Variants in EFCAB8 observed in about 807,000 individuals in gnomAD.
EFCAB8 encodes the protein EF-hand calcium-binding domain-containing protein 8.
In EFCAB8, 100 loss-of-function variants were observed where a neutral mutation model predicts 116.3. That is an observed-to-expected ratio of 0.86 (90% CI 0.73 to 1.02). The LOEUF is 1.02. Ranked by LOEUF, EFCAB8 falls within the 50% of genes least tolerant of loss-of-function variation. The pLI, the probability that EFCAB8 is intolerant of heterozygous loss-of-function variation, is 0.00. For missense variants in EFCAB8, 1,320 were observed against 1,416.9 expected (o/e 0.93, Z 1.10); for synonymous variants, 558 against 567.9 (o/e 0.98, Z 0.25).
chr20:32,952,476 C>T (rs916966245), intron 23 of EFCAB8, among the ~76,000 whole-genome samples: 1 of 152,190 alleles, frequency 6.6e-6, no homozygotes, highest in African/African-American at 2.4e-5. Context: ...GAGATAGCCA[C>T]TTGTTCCAGC....
intron 21 of EFCAB8, 76 bp from the exon 22 acceptor site, chr20:32,931,102 T>A: frequency 7.8e-7 from 1 of 1,273,908 alleles, no homozygotes; most frequent in East Asian, 2.6e-5. Context: ...AGAGGAATGG[T>A]CTGGGAGGAG....
At chr20:32,876,107 C>T (rs1984957871) in intron 4 of EFCAB8, 63 bp downstream of exon 4, 2 of 1,391,034 alleles carry the variant, frequency 1.4e-6, no homozygotes. Flanking sequence ...AGTCCTTGAC[C>T]AGTTGGTGGG....
chr20:32,885,462 C>T, intron 5 of EFCAB8, 43 bp from the exon 6 acceptor site: 2 of 1,548,888 alleles, frequency 1.3e-6, no homozygotes, highest in Non-Finnish European at 1.7e-6. Flanking sequence ...CCTCCCTGAG[C>T]TGTTTTTGCT....
At chr20:32,939,941 C>T (rs1356849281) in intron 22 of EFCAB8, among the ~76,000 whole-genome samples, 9 of 146,188 alleles carry the variant, frequency 6.2e-5, no homozygotes, top group South Asian at 4.3e-4. Flanking sequence ...GTGATCCACT[C>T]GCCTCAGCCT....
intron 15 of EFCAB8, among the ~76,000 whole-genome samples, 182 bp from the exon 16 acceptor site, chr20:32,911,298 A>C (rs1272764483): frequency 6.6e-6 from 1 of 152,120 alleles, no homozygotes; most frequent in Non-Finnish European, 1.5e-5. Context: ...TCCAGTTTGC[A>C]CTGCCCTGTG....
At chr20:32,861,451 G>C (rs1470588052) in intron 1 of EFCAB8, among the ~76,000 whole-genome samples, 1 of 152,152 alleles carries the variant, frequency 6.6e-6, no homozygotes, top group Non-Finnish European at 1.5e-5. Flanking sequence ...ACCACACCCA[G>C]CTAACGTTTG....
chr20:32,859,726 A>G (rs1984004940), intron 1 of EFCAB8, among the ~76,000 whole-genome samples: 4 of 152,236 alleles, frequency 2.6e-5, no homozygotes, highest in Admixed American at 2.6e-4. Context: ...AATTACAGAC[A>G]TCATGCCCTT....
In EFCAB8 at chr20:32,906,950, GATAGCAGGAACA is replaced by G; in HGVS notation, c.1266_1277del (p.Arg424_Ser427del). ...GACCTCAGTGACGCACATCCTTGTGGATAGCAGGAACAACAGCATCCTCATCAGTGTCTCCAA... is the reference window on the plus strand; with the variant it reads ...GACCTCAGTGACGCACATCCTTGTGGACAGCATCCTCATCAGTGTCTCCAA... On this transcript the variant is annotated inframe_deletion, in exon 13 of 27. Transcript: ENST00000400522. 6.5e-7 allele frequency: 1 copy of G among 1,544,066 alleles called. No homozygotes were observed. The highest frequency in any genetic ancestry group is 2.4e-5 in the East Asian group (1 of 40,878).
At chr20:32,882,751 A>G (rs1017261442) in intron 5 of EFCAB8, among the ~76,000 whole-genome samples, 6 of 151,874 alleles carry the variant, frequency 4.0e-5, no homozygotes, top group African/African-American at 1.2e-4. Context: ...GCTGGAGTGC[A>G]GTGGTGCAAT....
intron 6 of EFCAB8, 34 bp from the exon 7 acceptor site, chr20:32,889,267 C>T: frequency 6.5e-7 from 1 of 1,543,680 alleles, no homozygotes; most frequent in East Asian, 2.4e-5. Context: ...GAGTATGCGT[C>T]CCAGCCCATC....
rs1284079137 is a variant in EFCAB8 at position 32,961,596 on chromosome 20, A to G, written c.3854A>G (p.His1285Arg). 6.7e-6 allele frequency: 9 copies of G among 1,340,536 alleles called. No individual in the cohort carries two copies. The highest frequency in any genetic ancestry group is 1.5e-5 in the African/African-American group (1 of 68,072). 83.0% of individuals were successfully genotyped at this position (1,340,536 alleles called of 1,614,324 possible). A position where few individuals can be genotyped will look rare whatever the true frequency, so the allele number is the denominator to read the frequency against. ...TFMSSVKGSS[H>R]VRF ...ATGTCCTCTGTGAAGGGGAGCTCCC[A>G]TGTCAGGTTCTGAGGTGCTCCGCTG... The change falls in exon 27 of 27, where the codon CAT (histidine) becomes CGT (arginine). Residue 1285 changes from histidine to arginine, a missense_variant. His to Arg is a conservative substitution (Grantham distance 29). Transcript: ENST00000400522.
intron 5 of EFCAB8, among the ~76,000 whole-genome samples, chr20:32,879,822 A>G (rs182783981): frequency 6.6e-6 from 1 of 152,196 alleles, no homozygotes; most frequent in Non-Finnish European, 1.5e-5. Flanking sequence ...CTGCTTCTCA[A>G]ATTCCTTTAG....
At chr20:32,915,672 C>CT (rs34915357) in intron 17 of EFCAB8, among the ~76,000 whole-genome samples, 21,866 of 141,710 alleles carry the variant, frequency 0.15, 2,073 homozygotes, top group Middle Eastern at 0.22. Context: ...CTATTACCTA[C>CT]TTTTTTTTTT....
intron 20 of EFCAB8, among the ~76,000 whole-genome samples, chr20:32,926,080 C>G (rs983953377): frequency 2.0e-5 from 3 of 152,242 alleles, no homozygotes; most frequent in Non-Finnish European, 4.4e-5. Flanking sequence ...GGCCGCCCCT[C>G]TCCAGTCCTG....
Position 32,928,396 on chromosome 20 carries a change from T to C in EFCAB8, c.2413-2002T>C, listed in dbSNP as rs144662166. On this transcript the variant is annotated intron_variant, in intron 20 of 26. Transcript: ENST00000400522. ...GATTACAGGTGCATGCCACCACACC[T>C]GGCTAATATTTGTATTTTTTAGTAG... Among the ~76,000 whole-genome samples the C allele has an allele frequency of 7.1e-3, 1,073 of 152,084 alleles. 4 individuals are homozygous for C. Among genetic ancestry groups the C allele is most frequent in the Non-Finnish European group, 8.6e-3 (587 of 67,982 alleles).
At chr20:32,926,909 A>G (rs1329971395) in intron 20 of EFCAB8, among the ~76,000 whole-genome samples, 3 of 149,388 alleles carry the variant, frequency 2.0e-5, no homozygotes, top group Admixed American at 6.7e-5. Context: ...CCAGTCTATC[A>G]TTGTTGGACA....
chr20:32,891,054 C>T (rs905032869), intron 7 of EFCAB8, among the ~76,000 whole-genome samples: 1 of 152,194 alleles, frequency 6.6e-6, no homozygotes, highest in Non-Finnish European at 1.5e-5. Context: ...CAGTGCTGTC[C>T]CAGGCTTCCT....
Position 32,889,462 on chromosome 20 carries a change from G to A in EFCAB8, c.673+56G>A. ...CTCAGCCACTGGGAGCCATGCATTT[G>A]TGCCTGGGAGAAGTCTGTTGGCTGA... is the stretch of plus-strand genomic sequence containing the variant. On this transcript the variant is annotated intron_variant, in intron 7 of 26. Coordinates refer to ENST00000400522, the MANE Select transcript of EFCAB8 (RefSeq NM_001143967.2). 11 of 1,488,716 alleles carry A rather than the reference G, an allele frequency of 7.4e-6. No individual in the cohort carries two copies. In the South Asian group the frequency reaches 1.3e-4, roughly 18 times the overall value. 92.2% of individuals were successfully genotyped at this position (1,488,716 alleles called of 1,614,324 possible).
At position 32,957,734 on chromosome 20, in the gene EFCAB8, C is replaced by A. The variant is rs141555632; in HGVS notation, c.2960-687C>A. ...CTCTGCTGGTTTCTCTCTCTCTAAG[C>A]CAAGTCTGATTCTCATTCAGCCCGT... On this transcript the variant is annotated intron_variant, in intron 23 of 26. Coordinates refer to ENST00000400522, the MANE Select transcript of EFCAB8 (RefSeq NM_001143967.2). 3.2e-4 allele frequency among the ~76,000 whole-genome samples: 49 copies of A among 152,174 alleles called. No individual in the cohort carries two copies. In the East Asian group the frequency reaches 7.7e-3, roughly 24 times the overall value.
Sources: allele counts gnomAD v4.1 joint callset (sites outside exome capture counted in the v4.1 genomes callset), GRCh38; gene constraint gnomAD v4.1.1; transcripts MANE v1.5; gene names NCBI Gene and HGNC (gene_info 2026-07-23, HGNC 2026-07-21).